FBLN1: variants seen among roughly 807,000 people sequenced by gnomAD.
FBLN1 encodes fibulin 1.
FBLN1 carries 34 observed loss-of-function variants against 89.7 expected under a neutral mutation model. That is an observed-to-expected ratio of 0.38 (90% CI 0.29 to 0.50). FBLN1 has a LOEUF of 0.50. FBLN1 is among the 20% of genes least tolerant of loss of function. The pLI, the probability that FBLN1 is intolerant of heterozygous loss-of-function variation, is 0.92. For missense variants in FBLN1, 777 were observed against 988.1 expected (o/e 0.79, Z 2.86); for synonymous variants, 393 against 391.3 (o/e 1.00, Z -0.05).
chr22:45,538,366 T>G (rs1852642941), intron 8 of FBLN1, among the ~76,000 whole-genome samples: 1 of 152,238 alleles, frequency 6.6e-6, no homozygotes, highest in Non-Finnish European at 1.5e-5. Context: ...AACCTAAGTG[T>G]AGGAAGTAAA....
chr22:45,586,724 G>A (rs1305244956), intron 16 of FBLN1, among the ~76,000 whole-genome samples: 1 of 152,242 alleles, frequency 6.6e-6, no homozygotes, highest in Non-Finnish European at 1.5e-5. Flanking sequence ...CAGGTGAAAG[G>A]TGGTGGGGGG....
intron 2 of FBLN1, 46 bp downstream of exon 2, chr22:45,518,833 A>G (rs369617011): frequency 2.0e-6 from 3 of 1,488,002 alleles, no homozygotes; most frequent in Non-Finnish European, 2.8e-6. Context: ...ATGTTCCTTT[A>G]GAGAAAAGTG....
At position 45,525,525 on chromosome 22, in the gene FBLN1, C is replaced by T; in HGVS notation, c.186-18C>T. ...CCCTGCGCACAGAGCCTTGGCCCAG[C>T]CCACCCCTCACCCACAGGATGGTGC... On this transcript the variant is annotated intron_variant, in intron 2 of 16. Transcript: ENST00000327858. 1.3e-6 allele frequency: 2 copies of T among 1,548,722 alleles called. No homozygotes were observed. Among genetic ancestry groups the T allele is most frequent in the Non-Finnish European group, 1.7e-6 (2 of 1,146,728 alleles).
chr22:45,503,431 A>C (rs1182976886), intron 1 of FBLN1: 1 of 163,876 alleles, frequency 6.1e-6, no homozygotes, highest in Non-Finnish European at 1.3e-5. Flanking sequence ...GGCGCCTTGC[A>C]CTTGACGCTG....
At chr22:45,584,970 G>A (rs190609331) in intron 16 of FBLN1, among the ~76,000 whole-genome samples, 1 of 152,318 alleles carries the variant, frequency 6.6e-6, no homozygotes, top group Admixed American at 6.5e-5. Context: ...CCCTGCACTG[G>A]GTACTGCAGA....
At chr22:45,596,131 A>G (rs2089183856) in intron 16 of FBLN1, among the ~76,000 whole-genome samples, 1 of 152,200 alleles carries the variant, frequency 6.6e-6, no homozygotes. Context: ...GGCCTCCCAA[A>G]GTGCCGGGAT....
At chr22:45,542,861 C>T (rs898997938) in intron 10 of FBLN1, among the ~76,000 whole-genome samples, 5 of 152,206 alleles carry the variant, frequency 3.3e-5, no homozygotes, top group African/African-American at 4.8e-5. Context: ...GATGTGCTGC[C>T]GCAGAAGGAG....
Position 45,506,150 on chromosome 22 carries a change from T to C in FBLN1, c.79+3086T>C, listed in dbSNP as rs1363975457. Among the ~76,000 whole-genome samples the C allele has an allele frequency of 3.3e-5, 5 of 152,362 alleles. No individual in the cohort carries two copies. The East Asian group carries it at 9.6e-4, about 29-fold the overall frequency. ...TTGGCACCAGGAGCCTTCGCAGCCC[T>C]TGGGGGCTCCCTGGCGGCTCCTTGG... On this transcript the variant is annotated intron_variant, in intron 1 of 16. Transcript: ENST00000327858.
intron 14 of FBLN1, among the ~76,000 whole-genome samples, chr22:45,570,307 G>A (rs28444727): frequency 0.066 from 7,115 of 108,254 alleles, 746 homozygotes; most frequent in African/African-American, 0.24. Context: ...GTGACAGAGC[G>A]AGACTCTGTC....
rs1180014387 is a variant in FBLN1, at chr22:45,548,749, G to C, written c.1573+5G>C. On this transcript the variant is annotated splice_donor_5th_base_variant and intron_variant, in intron 13 of 16. Coordinates refer to ENST00000327858, the MANE Select transcript of FBLN1 (RefSeq NM_006486.3). ...CCAATGGCCGCAACTGCCAAGGTGA[G>C]CAGGAGGGATGCCCTGGGGTCCCTC... 2.7e-5 allele frequency: 43 copies of C among 1,612,662 alleles called. No individual in the cohort carries two copies. The highest frequency in any genetic ancestry group is 3.5e-5 in the Non-Finnish European group (41 of 1,180,004).
chr22:45,557,804 A>G lies in FBLN1; in HGVS notation c.1697+7189A>G, dbSNP rs963991006. On this transcript the variant is annotated intron_variant, in intron 14 of 16. Coordinates refer to ENST00000327858, the MANE Select transcript of FBLN1 (RefSeq NM_006486.3). The surrounding 1 kb of genome is among the most constrained non-coding windows in gnomAD (Gnocchi z 4.9). ...CAATTTTCCAATCATGCTTCTTCCA[A>G]GTCCCTGACCATCCAGCCAAACCAT... Among the ~76,000 whole-genome samples, 2 of 152,190 alleles carry G rather than the reference A, an allele frequency of 1.3e-5. No individual in the cohort carries two copies. The highest frequency in any genetic ancestry group is 6.5e-5 in the Admixed American group (1 of 15,278).
At chr22:45,546,449 C>T (rs141347545) in intron 11 of FBLN1, among the ~76,000 whole-genome samples, 1,584 of 152,316 alleles carry the variant, frequency 0.01, 9 homozygotes, top group Middle Eastern at 0.024. Context: ...CCCCTGACCT[C>T]GTGATCCGCC....
chr22:45,524,382 G>T (rs2088292166), intron 2 of FBLN1, among the ~76,000 whole-genome samples: 1 of 152,224 alleles, frequency 6.6e-6, no homozygotes, highest in South Asian at 2.1e-4. Flanking sequence ...GCCCACGCCA[G>T]CCCCTAGCTG....
intron 16 of FBLN1, among the ~76,000 whole-genome samples, chr22:45,594,693 GATA>G (rs2089168384): frequency 2.8e-5 from 4 of 144,782 alleles, no homozygotes; most frequent in Non-Finnish European, 6.0e-5. Context: ...TGGATTGGTG[GATA>G]GATGGATGGA....
At chr22:45,592,881 CCA>C (rs2089151289) in intron 16 of FBLN1, among the ~76,000 whole-genome samples, 2 of 152,178 alleles carry the variant, frequency 1.3e-5, no homozygotes, top group African/African-American at 2.4e-5. Flanking sequence ...CACATGGTGG[CCA>C]CAGTTAATTT....
At chr22:45,517,666 G>A (rs1444446682) in intron 1 of FBLN1, 2 of 469,032 alleles carry the variant, frequency 4.3e-6, no homozygotes, top group Non-Finnish European at 8.8e-6. Context: ...ACTTCTCACA[G>A]GTCCCCGTTT....
Position 45,539,204 on chromosome 22 carries a change from TC to T in FBLN1, c.923-2024del, listed in dbSNP as rs1223862189. 2.4e-3 allele frequency among the ~76,000 whole-genome samples: 256 copies of T among 108,384 alleles called. 1 individual carries two copies. Among genetic ancestry groups the T allele is most frequent in the Middle Eastern group, 3.8e-3 (1 of 266 alleles). 71.1% of individuals were successfully genotyped at this position (108,384 alleles called of 152,430 possible). Reference sequence around the variant, plus strand: ...CTCCCCCTTTCCCTCCTTCTTTTCTTCTTTTTTTTTTTTTTTTGAGACAGTC... The same window carrying T: ...CTCCCCCTTTCCCTCCTTCTTTTCTTTTTTTTTTTTTTTTTTGAGACAGTC... On this transcript the variant is annotated intron_variant, in intron 8 of 16. Transcript: ENST00000327858.
chr22:45,551,872 C>G (rs1350638187), intron 14 of FBLN1, among the ~76,000 whole-genome samples: 1 of 152,238 alleles, frequency 6.6e-6, no homozygotes, highest in African/African-American at 2.4e-5. Flanking sequence ...TTCCAGGAGG[C>G]TGGCTGTGGT....
At chr22:45,504,496 T>TGCCA (rs1336631279) in intron 1 of FBLN1, among the ~76,000 whole-genome samples, 1 of 150,426 alleles carries the variant, frequency 6.6e-6, no homozygotes, top group Non-Finnish European at 1.5e-5. Flanking sequence ...GCCGGGTGGC[T>TGCCA]GCCAGCTGGA....
Sources: allele counts gnomAD v4.1 joint callset (sites outside exome capture counted in the v4.1 genomes callset), GRCh38; gene constraint gnomAD v4.1.1; non-coding constraint Gnocchi (gnomAD v3.1); transcripts MANE v1.5; gene names NCBI Gene and HGNC (gene_info 2026-07-23, HGNC 2026-07-21).